ANKRD55: variants seen among roughly 807,000 people sequenced by gnomAD.
ANKRD55 encodes ankyrin repeat domain-containing protein 55.
In ANKRD55, 41 loss-of-function variants were observed where a neutral mutation model predicts 60.6. The observed-to-expected ratio is 0.68, with a 90% CI of 0.53 to 0.88. The LOEUF (loss-of-function observed/expected upper bound fraction) is 0.88, where lower values mean the gene tolerates loss of function less well. ANKRD55 is among the 40% of genes least tolerant of loss of function. ANKRD55 has a pLI of 0.00. For missense variants in ANKRD55, 732 were observed against 767.6 expected (o/e 0.95, Z 0.55); for synonymous variants, 264 against 290.3 (o/e 0.91, Z 0.92).
intron 2 of ANKRD55, among the ~76,000 whole-genome samples, chr5:56,218,353 GGAGTCAATT>G (rs1370853280): frequency 1.3e-5 from 2 of 152,052 alleles, no homozygotes; most frequent in Non-Finnish European, 2.9e-5. Flanking sequence ...TATGAAAGAA[GGAGTCAATT>G]GATGCAGCAA....
At chr5:56,116,253 G>A (rs139527333) in intron 9 of ANKRD55, among the ~76,000 whole-genome samples, 37 of 152,148 alleles carry the variant, frequency 2.4e-4, no homozygotes, top group African/African-American at 8.2e-4. Flanking sequence ...AGTGTAAAAG[G>A]GTCCCGAGAA....
chr5:56,222,818 A>AAATGAAC (rs1374398087), intron 2 of ANKRD55, among the ~76,000 whole-genome samples: 46 of 152,344 alleles, frequency 3.0e-4, no homozygotes, highest in African/African-American at 9.9e-4. Flanking sequence ...GAGTAAAAAG[A>AAATGAAC]AATGAACAAA....
At chr5:56,192,267 A>G (rs889651685) in intron 2 of ANKRD55, among the ~76,000 whole-genome samples, 1 of 152,252 alleles carries the variant, frequency 6.6e-6, no homozygotes, top group African/African-American at 2.4e-5. Context: ...ATTCCAGAAT[A>G]CACACAGGGT....
intron 2 of ANKRD55, among the ~76,000 whole-genome samples, chr5:56,216,678 G>A (rs66531976): frequency 0.099 from 14,996 of 152,218 alleles, 1,328 homozygotes; most frequent in African/African-American, 0.24. Context: ...CAATCTAGCC[G>A]CCACATTTCC....
In ANKRD55 at chr5:56,141,672, C is replaced by A. The variant is rs1366071105; in HGVS notation, c.612+2129G>T. ...AAGCTCCATGCCTGTTCCCCCATACCCTTGCCCTACCTGTCTGTTCATCTT... is the reference window on the plus strand; with the variant it reads ...AAGCTCCATGCCTGTTCCCCCATACACTTGCCCTACCTGTCTGTTCATCTT... On this transcript the variant is annotated intron_variant, in intron 7 of 11. Coordinates refer to ENST00000341048, the MANE Select transcript of ANKRD55 (RefSeq NM_024669.3). Among the ~76,000 whole-genome samples the A allele has an allele frequency of 2.6e-5, 4 of 152,184 alleles. 1 individual carries two copies. Among genetic ancestry groups the A allele is most frequent in the Middle Eastern group, 6.8e-3 (2 of 294 alleles).
intron 2 of ANKRD55, among the ~76,000 whole-genome samples, chr5:56,191,101 T>C (rs184850623): frequency 1.2e-4 from 18 of 152,358 alleles, no homozygotes; most frequent in Admixed American, 5.2e-4. Flanking sequence ...CACACTGTTT[T>C]CATTACTGTA....
Position 56,134,348 on chromosome 5 carries a change from C to T in ANKRD55, c.613-7242G>A, listed in dbSNP as rs941199602. 7.9e-5 allele frequency among the ~76,000 whole-genome samples: 9 copies of T among 114,598 alleles called. 4 individuals carry two copies. Among genetic ancestry groups the T allele is most frequent in the Admixed American group, 1.7e-4 (2 of 11,766 alleles). 75.2% of individuals were successfully genotyped at this position (114,598 alleles called of 152,430 possible). A position where few individuals can be genotyped will look rare whatever the true frequency, so the allele number is the denominator to read the frequency against. On this transcript the variant is annotated intron_variant, in intron 7 of 11. Transcript: ENST00000341048. ...ATCCCAGCACTTTGGGAGGCCGAGA[C>T]AGGTGGATCACCTGAGGTCAGGAGT...
chr5:56,188,330 C>T (rs554831867), intron 2 of ANKRD55, among the ~76,000 whole-genome samples: 2 of 151,802 alleles, frequency 1.3e-5, no homozygotes, highest in Non-Finnish European at 2.9e-5. Context: ...GAGATATTTT[C>T]TCTGCCCTGC....
chr5:56,153,290 G>T (rs961902718), intron 6 of ANKRD55, among the ~76,000 whole-genome samples: 5 of 150,870 alleles, frequency 3.3e-5, no homozygotes, highest in Admixed American at 2.0e-4. Context: ...CAACAACAAC[G>T]ACACGCAGCT....
chr5:56,131,902 G>A (rs902785956), intron 7 of ANKRD55, among the ~76,000 whole-genome samples: 2 of 150,566 alleles, frequency 1.3e-5, no homozygotes, highest in African/African-American at 4.9e-5. Context: ...CGCTGAAGAA[G>A]GAATAAGTGA....
At chr5:56,152,551 A>G (rs1758080540) in intron 6 of ANKRD55, among the ~76,000 whole-genome samples, 1 of 152,222 alleles carries the variant, frequency 6.6e-6, no homozygotes, top group Admixed American at 6.5e-5. Flanking sequence ...CAAGGCTAAA[A>G]TGAGAGCAGG....
chr5:56,176,329 A>T (rs1758739493), intron 3 of ANKRD55, 47 bp from the exon 4 acceptor site: 8 of 1,612,354 alleles, frequency 5.0e-6, no homozygotes, highest in Non-Finnish European at 6.8e-6. Flanking sequence ...TGACCCATGA[A>T]ACTGATGAGC....
chr5:56,121,218 T>TG (rs918082017), intron 8 of ANKRD55, among the ~76,000 whole-genome samples: 1 of 151,916 alleles, frequency 6.6e-6, no homozygotes, highest in African/African-American at 2.4e-5. Context: ...GCAAGTGGGG[T>TG]GGGGGGCTTT....
At chr5:56,185,949 C>T (rs1162515327) in intron 2 of ANKRD55, among the ~76,000 whole-genome samples, 1 of 152,158 alleles carries the variant, frequency 6.6e-6, no homozygotes, top group African/African-American at 2.4e-5. Context: ...AACTTACTCA[C>T]AGTAGTATTT....
At chr5:56,121,482 C>T (rs1321415744) in intron 8 of ANKRD55, among the ~76,000 whole-genome samples, 3 of 150,882 alleles carry the variant, frequency 2.0e-5, no homozygotes, top group Admixed American at 6.6e-5. Context: ...AAGCGATTCT[C>T]CTGCCTCAGC....
chr5:56,221,390 C>G (rs555300410), intron 2 of ANKRD55, among the ~76,000 whole-genome samples: 3 of 152,304 alleles, frequency 2.0e-5, no homozygotes, highest in African/African-American at 7.2e-5. Context: ...CAAATAGGAA[C>G]AGCTCCAGTC....
At chr5:56,176,647 G>A (rs1758744296) in intron 3 of ANKRD55, among the ~76,000 whole-genome samples, 1 of 152,126 alleles carries the variant, frequency 6.6e-6, no homozygotes, top group African/African-American at 2.4e-5. Flanking sequence ...GCTCTATCTA[G>A]GCAGATGGGT....
chr5:56,151,446 A>T (rs897475412), intron 6 of ANKRD55, among the ~76,000 whole-genome samples: 2 of 152,228 alleles, frequency 1.3e-5, no homozygotes, highest in Non-Finnish European at 2.9e-5. Context: ...AGAAAGGGCC[A>T]TAAAATAAAA....
intron 2 of ANKRD55, among the ~76,000 whole-genome samples, chr5:56,226,182 T>A (rs1760106125): frequency 6.6e-6 from 1 of 151,998 alleles, no homozygotes; most frequent in Admixed American, 6.6e-5. Context: ...ATACCACACA[T>A]CTAAAACCAT....
Sources: allele counts gnomAD v4.1 joint callset (sites outside exome capture counted in the v4.1 genomes callset), GRCh38; gene constraint gnomAD v4.1.1; transcripts MANE v1.5; gene names NCBI Gene and HGNC (gene_info 2026-07-23, HGNC 2026-07-21).